EFCAB5: variants seen among roughly 807,000 people sequenced by gnomAD.
The protein encoded by EFCAB5 is EF-hand calcium-binding domain-containing protein 5.
Under a neutral mutation model 167.9 loss-of-function variants are expected in EFCAB5, and 131 were observed. The ratio of observed to expected loss-of-function variants is 0.78; its 90% CI spans 0.68 to 0.90. The LOEUF (loss-of-function observed/expected upper bound fraction) is 0.90. Among genes scored for constraint, EFCAB5 ranks in the 40% least tolerant of loss-of-function variants. The pLI is 0.00. For synonymous variants in EFCAB5, 574 were observed against 602.8 expected (o/e 0.95, Z 0.70); for missense variants, 1,663 against 1,745.2 (o/e 0.95, Z 0.84).
chr17:30,108,422 T>C lies in EFCAB5; in HGVS notation c.*398T>C, dbSNP rs141713609. On this transcript the variant is annotated 3_prime_UTR_variant, in exon 23 of 23. Transcript: ENST00000394835. ...AAATAATAAAGATAAACCAAAAGAA[T>C]ACCAAATAATAAAGATTTTTAAGAA... 1 of 153,620 alleles carries C rather than the reference T, an allele frequency of 6.5e-6. No individual in the cohort carries two copies. The highest frequency in any genetic ancestry group is 2.4e-5 in the African/African-American group (1 of 41,578). The allele number at this position is 153,620 out of a possible 1,614,324, so 9.5% of individuals were successfully genotyped here. A position where few individuals can be genotyped will look rare whatever the true frequency, so the allele number is the denominator to read the frequency against.
In EFCAB5 at chr17:30,040,111, G is replaced by A. The variant is rs138215058; in HGVS notation, c.1200+5726G>A. 1.6e-4 allele frequency among the ~76,000 whole-genome samples: 24 copies of A among 152,322 alleles called. No individual in the cohort carries two copies. In the East Asian group the frequency reaches 4.6e-3, roughly 29 times the overall value. ...AGGTTGTCCCCTTTCCACTAGGATG[G>A]TCCTCAAATCAAGTAGACATGGAGT... On this transcript the variant is annotated intron_variant, in intron 8 of 22. Coordinates refer to ENST00000394835, the MANE Select transcript of EFCAB5 (RefSeq NM_198529.4).
At chr17:29,934,205 A>G (rs1402478841) in intron 1 of EFCAB5, among the ~76,000 whole-genome samples, 1 of 152,234 alleles carries the variant, frequency 6.6e-6, no homozygotes, top group Non-Finnish European at 1.5e-5. Flanking sequence ...CTTGGTAGTC[A>G]TTATTGATGA....
chr17:30,105,012 C>G (rs1597581457), intron 22 of EFCAB5, among the ~76,000 whole-genome samples: 1 of 152,058 alleles, frequency 6.6e-6, no homozygotes, highest in Non-Finnish European at 1.5e-5. Flanking sequence ...AGGAACAGAG[C>G]TCTTCATGGG....
intron 14 of EFCAB5, 72 bp downstream of exon 14, chr17:30,059,773 C>G (rs2070375995): frequency 9.1e-6 from 12 of 1,322,268 alleles, no homozygotes; most frequent in Non-Finnish European, 1.2e-5. Context: ...TACACATATA[C>G]AGTTAAAATA....
At chr17:29,995,047 C>A (rs1244140999) in intron 5 of EFCAB5, among the ~76,000 whole-genome samples, 1 of 152,136 alleles carries the variant, frequency 6.6e-6, no homozygotes, top group Admixed American at 6.5e-5. Flanking sequence ...TTGAAACTCT[C>A]ACAAAATTGT....
At chr17:30,048,392 A>G (rs1345266409) in intron 8 of EFCAB5, among the ~76,000 whole-genome samples, 1 of 152,108 alleles carries the variant, frequency 6.6e-6, no homozygotes, top group Non-Finnish European at 1.5e-5. Flanking sequence ...AACTCCACAG[A>G]GATAGATATG....
intron 8 of EFCAB5, among the ~76,000 whole-genome samples, chr17:30,044,812 G>T (rs1015505169): frequency 6.6e-6 from 1 of 152,090 alleles, no homozygotes; most frequent in Non-Finnish European, 1.5e-5. Flanking sequence ...TGAAATGAAA[G>T]AAATTACAAC....
chr17:30,012,788 C>A (rs1447465228), intron 7 of EFCAB5, among the ~76,000 whole-genome samples: 1 of 152,144 alleles, frequency 6.6e-6, no homozygotes, highest in Non-Finnish European at 1.5e-5. Context: ...TACAGAATAC[C>A]TTTTATTTCT....
chr17:29,995,420 G>A (rs866862924), intron 5 of EFCAB5, among the ~76,000 whole-genome samples: 11 of 152,186 alleles, frequency 7.2e-5, no homozygotes, highest in African/African-American at 1.9e-4. Context: ...GCTTTGACAG[G>A]ACCAATTCCA....
chr17:30,015,552 G>A (rs938621974), intron 7 of EFCAB5, among the ~76,000 whole-genome samples: 5 of 152,134 alleles, frequency 3.3e-5, no homozygotes, highest in Non-Finnish European at 7.4e-5. Context: ...TACTGTAGTT[G>A]CACCATTTTA....
At chr17:30,085,676 C>T (rs1002900937) in intron 18 of EFCAB5, among the ~76,000 whole-genome samples, 1 of 149,098 alleles carries the variant, frequency 6.7e-6, no homozygotes, top group Non-Finnish European at 1.5e-5. Context: ...GCCGAGATCA[C>T]GCCACTGCAT....
At chr17:30,101,919 A>G (rs2071387842) in intron 22 of EFCAB5, among the ~76,000 whole-genome samples, 1 of 152,214 alleles carries the variant, frequency 6.6e-6, no homozygotes, top group Admixed American at 6.5e-5. Flanking sequence ...CATACGTTCT[A>G]TGTTTACCTT....
At chr17:30,032,019 AGAGT>A (rs2069493507) in intron 7 of EFCAB5, 1 of 152,196 alleles carries the variant, frequency 6.6e-6, no homozygotes, top group African/African-American at 2.4e-5. Flanking sequence ...CTTGGGCAAC[AGAGT>A]GAGACCCTGT....
intron 3 of EFCAB5, among the ~76,000 whole-genome samples, chr17:29,949,556 C>A (rs1379536179): frequency 6.6e-6 from 1 of 152,112 alleles, no homozygotes; most frequent in African/African-American, 2.4e-5. Flanking sequence ...GATGTCCAAC[C>A]AGAGACCTGC....
chr17:29,967,456 C>A (rs777406844), intron 3 of EFCAB5, among the ~76,000 whole-genome samples: 2 of 152,148 alleles, frequency 1.3e-5, no homozygotes, highest in African/African-American at 4.8e-5. Context: ...ACAAAAAGGT[C>A]AGTCTTTCTC....
Position 30,045,852 on chromosome 17 carries a change from A to AATAAATAT in EFCAB5, c.1201-5259_1201-5258insTATAAATA, listed in dbSNP as rs1365133136. On this transcript the variant is annotated intron_variant, in intron 8 of 22. Transcript: ENST00000394835. ...TGGTCTCTACAAAAATAAATAAATA[A>AATAAATAT]ATAAATAAAATTAAAAATAAATAAA... 2.0e-5 allele frequency among the ~76,000 whole-genome samples: 3 copies of AATAAATAT among 151,708 alleles called. No individual in the cohort carries two copies. In the East Asian group the frequency reaches 5.8e-4, roughly 29 times the overall value.
chr17:29,942,357 TC>T lies in EFCAB5; in HGVS notation c.105+56del, dbSNP rs545629214. 1,037 of 1,424,180 alleles carry T rather than the reference TC, an allele frequency of 7.3e-4. 4 individuals carry two copies. The highest frequency in any genetic ancestry group is 6.7e-3 in the Middle Eastern group (33 of 4,910). The allele number at this position is 1,424,180 out of a possible 1,614,324, so 88.2% of individuals were successfully genotyped here. ...AATGCTGGAGAATAAGCTAGATAAA[TC>T]AATTTTCTTATGATAAAAGAAAAGA... On this transcript the variant is annotated intron_variant, in intron 2 of 22. Coordinates refer to ENST00000394835, the MANE Select transcript of EFCAB5 (RefSeq NM_198529.4).
intron 22 of EFCAB5, among the ~76,000 whole-genome samples, chr17:30,094,102 A>G (rs2071249691): frequency 6.6e-6 from 1 of 152,172 alleles, no homozygotes. Flanking sequence ...ACTATATAGC[A>G]TAGCTCCTAA....
chr17:30,007,950 T>C (rs1020716657), intron 7 of EFCAB5, among the ~76,000 whole-genome samples: 4 of 152,056 alleles, frequency 2.6e-5, no homozygotes, highest in Non-Finnish European at 1.5e-5. Flanking sequence ...ATTGCACCAC[T>C]GCACTCTGGG....
Sources: allele counts gnomAD v4.1 joint callset (sites outside exome capture counted in the v4.1 genomes callset), GRCh38; gene constraint gnomAD v4.1.1; transcripts MANE v1.5; gene names NCBI Gene and HGNC (gene_info 2026-07-23, HGNC 2026-07-21).